Variants in UCK2 observed in about 807,000 individuals in gnomAD.
UCK2 encodes uridine-cytidine kinase 2, also known as cytidine monophosphokinase 2.
UCK2 carries 6 observed loss-of-function variants against 30.8 expected under a neutral mutation model. The ratio of observed to expected loss-of-function variants is 0.19; its 90% confidence interval spans 0.11 to 0.38. The LOEUF is 0.38. UCK2 is among the 10% of genes least tolerant of loss of function. The pLI, the probability that UCK2 is intolerant of heterozygous loss-of-function variation, is 1.00. For missense variants in UCK2, 210 were observed against 339.8 expected, an observed-to-expected ratio of 0.62 and a Z score of 3.00; for synonymous variants, 125 against 133.6, an observed-to-expected ratio of 0.94 and a Z score of 0.45.
chr1:165,828,559 A>AG (rs1340065583), intron 1 of UCK2, among the ~76,000 whole-genome samples: 1 of 152,146 alleles, frequency 6.6e-6, no homozygotes, highest in Non-Finnish European at 1.5e-5. Flanking sequence ...CGATAATAGT[A>AG]GGGGCTTCTG....
chr1:165,879,545 T>TTTATTATTA (rs59350667), intron 1 of UCK2, among the ~76,000 whole-genome samples: 2,399 of 146,842 alleles, frequency 0.016, 47 homozygotes, highest in African/African-American at 0.043. Flanking sequence ...ATGTTTGCTT[T>TTTATTATTA]TTATTATTAT....
At chr1:165,874,225 T>C (rs1355009611) in intron 1 of UCK2, among the ~76,000 whole-genome samples, 1 of 152,194 alleles carries the variant, frequency 6.6e-6, no homozygotes, top group Non-Finnish European at 1.5e-5. Flanking sequence ...GGCCATTTCC[T>C]GGGCCACCCA....
intron 1 of UCK2, among the ~76,000 whole-genome samples, chr1:165,855,045 A>G (rs1470025349): frequency 6.6e-6 from 1 of 152,204 alleles, no homozygotes; most frequent in African/African-American, 2.4e-5. Flanking sequence ...TCACTGGGGG[A>G]AAATTACCAT....
chr1:165,831,961 G>T (rs1654059269), intron 1 of UCK2, among the ~76,000 whole-genome samples: 1 of 152,026 alleles, frequency 6.6e-6, no homozygotes, highest in Non-Finnish European at 1.5e-5. Flanking sequence ...AGAGGTGGGG[G>T]TTTCACCATG....
intron 1 of UCK2, among the ~76,000 whole-genome samples, chr1:165,858,405 G>T (rs559217577): frequency 1.3e-5 from 2 of 152,280 alleles, no homozygotes; most frequent in Non-Finnish European, 2.9e-5. Context: ...CTGCAGAATG[G>T]CTGTGGTTCC....
chr1:165,872,322 G>A (rs948143299), intron 1 of UCK2, among the ~76,000 whole-genome samples: 13 of 152,156 alleles, frequency 8.5e-5, no homozygotes, highest in African/African-American at 2.7e-4. Flanking sequence ...TGATCTGCCC[G>A]CCTTGGCCTC....
intron 1 of UCK2, among the ~76,000 whole-genome samples, chr1:165,869,830 CT>C (rs983978185): frequency 1.2e-4 from 18 of 151,910 alleles, no homozygotes; most frequent in African/African-American, 4.1e-4. Context: ...TTTTTAAAAA[CT>C]TTTTTGTGGA....
chr1:165,832,853 C>T (rs1459127842), intron 1 of UCK2, among the ~76,000 whole-genome samples: 1 of 152,092 alleles, frequency 6.6e-6, no homozygotes, highest in Non-Finnish European at 1.5e-5. Flanking sequence ...TCCCAAAGTG[C>T]TGAGATTACA....
At chr1:165,828,046 C>T (rs1250261899) in intron 1 of UCK2, 114 bp downstream of exon 1, 15 of 762,406 alleles carry the variant, frequency 2.0e-5, no homozygotes, top group Admixed American at 5.2e-5. Context: ...GCCCGCGCGC[C>T]TCCGCTCCCG....
intron 1 of UCK2, among the ~76,000 whole-genome samples, chr1:165,844,591 C>T (rs1032820993): frequency 9.2e-5 from 14 of 152,142 alleles, no homozygotes. Context: ...TCCTGGATAG[C>T]CAGGATGGTG....
intron 1 of UCK2, among the ~76,000 whole-genome samples, chr1:165,860,284 C>T (rs1208397120): frequency 6.6e-6 from 1 of 152,226 alleles, no homozygotes; most frequent in Middle Eastern, 3.2e-3. Flanking sequence ...TTGAAGGCCA[C>T]ATACCACACC....
intron 1 of UCK2, among the ~76,000 whole-genome samples, chr1:165,867,807 C>G (rs981112332): frequency 6.6e-6 from 1 of 152,204 alleles, no homozygotes; most frequent in Admixed American, 6.5e-5. Flanking sequence ...TCTACTTCTT[C>G]CAAACTCTTG....
intron 1 of UCK2, among the ~76,000 whole-genome samples, chr1:165,882,739 C>T (rs1655528350): frequency 6.6e-6 from 1 of 152,202 alleles, no homozygotes; most frequent in Admixed American, 6.5e-5. Context: ...TCCTATAGGC[C>T]TACCTTCTAG....
At chr1:165,900,874 A>G (rs1490053352) in intron 4 of UCK2, among the ~76,000 whole-genome samples, 1 of 152,164 alleles carries the variant, frequency 6.6e-6, no homozygotes, top group Non-Finnish European at 1.5e-5. Flanking sequence ...CTTTAAGTAA[A>G]AGCTGCCCAA....
At chr1:165,852,070 A>G (rs1281786922) in intron 1 of UCK2, among the ~76,000 whole-genome samples, 1 of 152,204 alleles carries the variant, frequency 6.6e-6, no homozygotes, top group Admixed American at 6.5e-5. Flanking sequence ...TTATAGTAGA[A>G]TGATTTATAT....
intron 1 of UCK2, among the ~76,000 whole-genome samples, chr1:165,875,509 G>A (rs558493746): frequency 1.3e-5 from 2 of 152,246 alleles, no homozygotes; most frequent in East Asian, 3.9e-4. Context: ...CTATTTACCT[G>A]GAGATAGTGT....
At chr1:165,853,665 T>C (rs1654657439) in intron 1 of UCK2, among the ~76,000 whole-genome samples, 1 of 152,166 alleles carries the variant, frequency 6.6e-6, no homozygotes, top group Non-Finnish European at 1.5e-5. Context: ...TTCCATCCTT[T>C]GATGCTTTAT....
At chr1:165,895,955 G>A (rs1647220390) in intron 3 of UCK2, 2 of 429,014 alleles carry the variant, frequency 4.7e-6, no homozygotes, top group East Asian at 3.7e-5. Context: ...CTGTTTCATG[G>A]TGAAAGCTCA....
intron 1 of UCK2, among the ~76,000 whole-genome samples, chr1:165,862,065 C>G (rs939537914): frequency 1.3e-5 from 2 of 152,172 alleles, no homozygotes; most frequent in African/African-American, 4.8e-5. Flanking sequence ...TAAGTCCTCT[C>G]GTCACCCTTG....
Sources: gnomAD v4.1 joint callset for allele counts (sites outside exome capture counted in the v4.1 genomes callset) on GRCh38, gnomAD v4.1.1 for gene constraint, MANE v1.5 for transcripts, NCBI Gene and HGNC (gene_info 2026-07-23, HGNC 2026-07-21) for gene names.